RASEF: variants seen among roughly 807,000 people sequenced by gnomAD.
RASEF encodes the protein ras and EF-hand domain-containing protein.
In RASEF, 68 loss-of-function variants were observed where a neutral mutation model predicts 90.1. The observed-to-expected ratio is 0.75, with a 90% CI of 0.62 to 0.92. RASEF has a LOEUF of 0.92. RASEF is among the 40% of genes least tolerant of loss of function. RASEF has a pLI of 0.00. For synonymous variants in RASEF, 331 were observed against 345.2 expected (o/e 0.96, Z 0.46); for missense variants, 949 against 937.2 (o/e 1.01, Z -0.16).
At chr9:83,177,995 T>A in the RASEF span, among the ~76,000 whole-genome samples, 3 of 152,150 alleles carry the variant, frequency 2.0e-5, no homozygotes, top group African/African-American at 4.8e-5. Context: ...GCTTACTAAT[T>A]CTTTCTTTTG....
intron 13 of RASEF, 98 bp downstream of exon 13, chr9:82,998,267 T>C (rs1332690932): frequency 3.0e-6 from 2 of 677,790 alleles, no homozygotes; most frequent in East Asian, 5.1e-5. Flanking sequence ...TAAAGTATGT[T>C]ATAATTATAG....
intron 3 of RASEF, among the ~76,000 whole-genome samples, chr9:83,021,839 C>T (rs1035295641): frequency 2.6e-5 from 4 of 152,162 alleles, no homozygotes; most frequent in Non-Finnish European, 4.4e-5. Flanking sequence ...AGTCCTGGAA[C>T]CAATCCCCTT....
At chr9:83,182,400 G>A in the RASEF span, among the ~76,000 whole-genome samples, 1 of 152,038 alleles carries the variant, frequency 6.6e-6, no homozygotes, top group Admixed American at 6.5e-5. Flanking sequence ...TTTTGTTTAT[G>A]GTCATAAATC....
chr9:82,993,007 C>G lies in RASEF; in HGVS notation c.1939G>C (p.Val647Leu), dbSNP rs140679572. 6.2e-7 allele frequency: 1 copy of G among 1,613,712 alleles called. No individual in the cohort carries two copies. Among genetic ancestry groups the G allele is most frequent in the Non-Finnish European group, 8.5e-7 (1 of 1,179,834 alleles). ...TTGTTTCCTACCAGCATAATGGGAA[C>G]AGTCTCATGGGCTGCATCCTACCAG... ...DMIEDAAHETVPIMLVGNKAD... is the reference protein window; with the variant it reads ...DMIEDAAHETLPIMLVGNKAD... Residue 647 changes from valine to leucine, a missense_variant, in exon 15 of 17, where the codon GTT becomes CTT. Val to Leu is a conservative substitution (Grantham distance 32). Transcript: ENST00000376447.
chr9:83,198,836 G>GGAGGGATAAATGTA, the RASEF span, among the ~76,000 whole-genome samples: 1 of 149,654 alleles, frequency 6.7e-6, no homozygotes. Flanking sequence ...AATAGAATGG[G>GGAGGGATAAATGTA]GGGGAGGGAT....
chr9:83,008,039 G>C (rs1188292257), intron 6 of RASEF, among the ~76,000 whole-genome samples: 1 of 151,894 alleles, frequency 6.6e-6, no homozygotes, highest in Non-Finnish European at 1.5e-5. Flanking sequence ...GATCCCCAAA[G>C]AACCAGGCTT....
intron 2 of RASEF, among the ~76,000 whole-genome samples, chr9:83,023,955 C>T (rs73469407): frequency 0.03 from 4,507 of 152,280 alleles, 204 homozygotes; most frequent in African/African-American, 0.1. Flanking sequence ...CAGCAATTTC[C>T]AATTTCTGGT....
the RASEF span, among the ~76,000 whole-genome samples, chr9:83,068,294 G>A: frequency 5.9e-5 from 9 of 152,236 alleles, no homozygotes; most frequent in Non-Finnish European, 1.0e-4. Flanking sequence ...ACAATGGCAC[G>A]CTGGTTCCCA....
chr9:83,151,942 C>A, the RASEF span, among the ~76,000 whole-genome samples: 7 of 152,194 alleles, frequency 4.6e-5, 1 homozygote, highest in South Asian at 1.5e-3. Flanking sequence ...TAAGAGAAAG[C>A]CCCAAAACAC....
rs1327613211 is a variant in RASEF at position 83,008,683 on chromosome 9, T to G, written c.959+958A>C. On this transcript the variant is annotated intron_variant, in intron 6 of 16. Coordinates refer to ENST00000376447, the MANE Select transcript of RASEF (RefSeq NM_152573.4). ...TCCCCTTTCCCAGCACAGAGCTATC[T>G]TTCTACCTAGGCTCACCTCCAGCAT... Among the ~76,000 whole-genome samples, 3 of 152,060 alleles carry G rather than the reference T, an allele frequency of 2.0e-5. No individual in the cohort carries two copies. In the East Asian group the frequency reaches 5.8e-4, roughly 30 times the overall value.
chr9:83,092,327 G>A, the RASEF span, among the ~76,000 whole-genome samples: 10 of 152,132 alleles, frequency 6.6e-5, no homozygotes, highest in Admixed American at 1.3e-4. Flanking sequence ...ATGAAGCCAC[G>A]GACCCTCGCG....
chr9:83,200,797 G>C, the RASEF span: 2 of 152,124 alleles, frequency 1.3e-5, no homozygotes, highest in South Asian at 4.1e-4. Context: ...CCTATGTTGT[G>C]GTTCCCTGAA....
intron 1 of RASEF, among the ~76,000 whole-genome samples, chr9:83,040,726 C>A (rs1180171172): frequency 1.3e-5 from 2 of 152,186 alleles, no homozygotes; most frequent in African/African-American, 4.8e-5. Context: ...TTATTGGTAT[C>A]ATGGAAAGAT....
At chr9:83,134,036 C>A in the RASEF span, among the ~76,000 whole-genome samples, 2 of 152,072 alleles carry the variant, frequency 1.3e-5, no homozygotes, top group Non-Finnish European at 2.9e-5. Context: ...TTATGATAGT[C>A]AACATTAACA....
At chr9:83,030,346 G>A (rs1303084374) in intron 1 of RASEF, among the ~76,000 whole-genome samples, 1 of 149,500 alleles carries the variant, frequency 6.7e-6, no homozygotes, top group Non-Finnish European at 1.5e-5. Context: ...GACAGAGTGA[G>A]ACTCCGTCAC....
chr9:83,012,329 G>A (rs1829261210), intron 5 of RASEF, 105 bp downstream of exon 5: 7 of 555,006 alleles, frequency 1.3e-5, no homozygotes, highest in Non-Finnish European at 2.2e-5. Context: ...TCTAACTACA[G>A]TATTAACTTC....
the RASEF span, among the ~76,000 whole-genome samples, chr9:83,143,714 T>C: frequency 6.6e-6 from 1 of 152,234 alleles, no homozygotes; most frequent in Non-Finnish European, 1.5e-5. Flanking sequence ...GATAAGAATG[T>C]AAATTAGTTA....
rs1329128188 is a variant in RASEF, at chr9:83,062,940, C to T, written c.-73G>A. The T allele has an allele frequency of 4.5e-6, 6 of 1,340,456 alleles. No homozygotes were observed. The African/African-American group carries it at 6.2e-5, about 14-fold the overall frequency. The allele number at this position is 1,340,456 out of a possible 1,614,324, so 83.0% of individuals were successfully genotyped here. A position where few individuals can be genotyped will look rare whatever the true frequency, so the allele number is the denominator to read the frequency against. ...CAGGGCCCTCCCTGGAAGGACGGGG[C>T]CACCTGCTGCCGCCGGGAGGCCCGG... On this transcript the variant is annotated 5_prime_UTR_variant, in exon 1 of 17. Transcript: ENST00000376447.
At chr9:83,151,153 G>T in the RASEF span, among the ~76,000 whole-genome samples, 3 of 151,180 alleles carry the variant, frequency 2.0e-5, no homozygotes, top group Admixed American at 6.6e-5. Flanking sequence ...GTTGAGAATT[G>T]CCAGCGCATA....
Sources: allele counts gnomAD v4.1 joint callset (sites outside exome capture counted in the v4.1 genomes callset), GRCh38; gene constraint gnomAD v4.1.1; transcripts MANE v1.5; gene names NCBI Gene and HGNC (gene_info 2026-07-23, HGNC 2026-07-21).